Variants in PRKG1 observed in about 807,000 individuals in gnomAD.
PRKG1 encodes the protein protein kinase cGMP-dependent 1, also known as cGMP-dependent protein kinase 1.
PRKG1 carries 35 observed loss-of-function variants against 88.1 expected under a neutral mutation model. The ratio of observed to expected loss-of-function variants is 0.40; its 90% CI spans 0.30 to 0.53. The LOEUF is 0.53. PRKG1 is among the 20% of genes least tolerant of loss of function. PRKG1 has a pLI of 0.59. For missense variants in PRKG1, 540 were observed against 839.8 expected, an observed-to-expected ratio of 0.64 and a Z score of 4.41; for synonymous variants, 303 against 292.5, an observed-to-expected ratio of 1.04 and a Z score of -0.37.
chr10:51,189,661 T>A (rs1564632348), intron 2 of PRKG1, among the ~76,000 whole-genome samples: 1 of 151,936 alleles, frequency 6.6e-6, no homozygotes, highest in Non-Finnish European at 1.5e-5. Context: ...CATGGCCCCA[T>A]TTGAGGACAT....
chr10:51,034,652 A>C (rs1440549673), intron 1 of PRKG1, among the ~76,000 whole-genome samples: 1 of 70,362 alleles, frequency 1.4e-5, no homozygotes, highest in Admixed American at 1.8e-4. Context: ...AAGCAAAATT[A>C]TATATAATAT....
At chr10:52,291,208 AC>A (rs1287123993) in intron 17 of PRKG1, among the ~76,000 whole-genome samples, 2 of 151,310 alleles carry the variant, frequency 1.3e-5, no homozygotes, top group Non-Finnish European at 2.9e-5. Flanking sequence ...AGACGTGAGC[AC>A]CGCGCTGGGC....
At chr10:51,699,340 C>G (rs781532877) in intron 3 of PRKG1, 1 of 1,614,162 alleles carries the variant, frequency 6.2e-7, no homozygotes, top group South Asian at 1.1e-5. Flanking sequence ...TGGCACTAAG[C>G]GCGGTCTCCT....
chr10:51,912,266 A>T (rs150370261), intron 5 of PRKG1, among the ~76,000 whole-genome samples: 1 of 152,342 alleles, frequency 6.6e-6, no homozygotes, highest in Non-Finnish European at 1.5e-5. Context: ...AAAATTAAGC[A>T]GGACCAAGTT....
intron 8 of PRKG1, among the ~76,000 whole-genome samples, chr10:52,138,267 C>A (rs533437905): frequency 1.1e-4 from 16 of 151,986 alleles, no homozygotes; most frequent in Non-Finnish European, 1.9e-4. Flanking sequence ...TGGCAAAAAC[C>A]GGGACTATTG....
chr10:51,078,562 G>C (rs1844023698), intron 1 of PRKG1, among the ~76,000 whole-genome samples: 1 of 149,904 alleles, frequency 6.7e-6, no homozygotes, highest in African/African-American at 2.4e-5. Flanking sequence ...AAGTACTTTG[G>C]AGGAGTTGAG....
At position 51,815,340 on chromosome 10, in the gene PRKG1, C is replaced by A. The variant is rs148146762; in HGVS notation, c.698+10650C>A. Among the ~76,000 whole-genome samples the A allele has an allele frequency of 6.5e-3, 991 of 152,242 alleles. 13 individuals are homozygous for A. Among genetic ancestry groups the A allele is most frequent in the African/African-American group, 0.02 (833 of 41,544 alleles). On this transcript the variant is annotated intron_variant, in intron 4 of 17. Coordinates refer to ENST00000373980, the MANE Select transcript of PRKG1 (RefSeq NM_006258.4). The stretch of plus-strand genomic sequence containing the variant: ...GGATTAGTGCATCTGGGAGTGAGTT[C>A]TTTTCCATAAGGAAAACCATTCTGT...
chr10:51,857,862 T>A (rs752079821), intron 4 of PRKG1, among the ~76,000 whole-genome samples: 11 of 151,280 alleles, frequency 7.3e-5, no homozygotes, highest in Non-Finnish European at 1.6e-4. Context: ...GTAAGCACTG[T>A]TCCCCCACCC....
At chr10:52,077,266 A>G (rs1219940142) in intron 7 of PRKG1, among the ~76,000 whole-genome samples, 1 of 152,188 alleles carries the variant, frequency 6.6e-6, no homozygotes, top group Non-Finnish European at 1.5e-5. Flanking sequence ...ACAGATTAGT[A>G]TCAAAATAAT....
intron 3 of PRKG1, among the ~76,000 whole-genome samples, chr10:51,765,525 ATTCTGCCTGTCCTGTCCAGAG>A (rs1250900038): frequency 6.6e-6 from 1 of 152,214 alleles, no homozygotes; most frequent in East Asian, 1.9e-4. Context: ...TAACTTAATT[ATTCTGCCTGTCCTGTCCAGAG>A]TTGAATTCCT....
Position 52,288,706 on chromosome 10 carries a change from C to A in PRKG1, c.1710-20C>A. On this transcript the variant is annotated intron_variant, in intron 14 of 17. Transcript: ENST00000373980. The stretch of plus-strand genomic sequence containing the variant: ...AGAAAATAAAAGTAATATCTCTTGT[C>A]GTGTCTCTCATTCTTGCAGCCCACC... 6.4e-7 allele frequency: 1 copy of A among 1,564,532 alleles called. No individual in the cohort carries two copies. The highest frequency in any genetic ancestry group is 8.6e-7 in the Non-Finnish European group (1 of 1,163,132).
intron 7 of PRKG1, among the ~76,000 whole-genome samples, chr10:52,068,405 G>T (rs1846412989): frequency 6.6e-6 from 1 of 152,000 alleles, no homozygotes; most frequent in Non-Finnish European, 1.5e-5. Context: ...CCTAACTTTT[G>T]AGTCTTCAGC....
intron 5 of PRKG1, among the ~76,000 whole-genome samples, chr10:52,013,806 G>A (rs925634445): frequency 1.3e-5 from 2 of 152,188 alleles, no homozygotes; most frequent in African/African-American, 4.8e-5. Context: ...GCAGTATGAA[G>A]GATGCTATTT....
At chr10:52,216,900 G>A (rs1166777279) in intron 9 of PRKG1, among the ~76,000 whole-genome samples, 1 of 152,120 alleles carries the variant, frequency 6.6e-6, no homozygotes, top group Non-Finnish European at 1.5e-5. Context: ...TTACTAGGCA[G>A]ACAATTCTGT....
chr10:52,042,791 C>A (rs1264132215), intron 5 of PRKG1, among the ~76,000 whole-genome samples: 1 of 152,028 alleles, frequency 6.6e-6, no homozygotes, highest in Non-Finnish European at 1.5e-5. Context: ...AGACAGCCTG[C>A]AGAATGGGAG....
chr10:51,050,652 T>G (rs963334754), intron 1 of PRKG1, among the ~76,000 whole-genome samples: 1 of 152,200 alleles, frequency 6.6e-6, no homozygotes, highest in Non-Finnish European at 1.5e-5. Flanking sequence ...AGATCCTGAT[T>G]TCAGTTCCTC....
At chr10:52,023,388 G>T (rs566727913) in intron 5 of PRKG1, among the ~76,000 whole-genome samples, 1 of 152,208 alleles carries the variant, frequency 6.6e-6, no homozygotes, top group African/African-American at 2.4e-5. Context: ...ATGTGCATTT[G>T]TCTTTATAGT....
At chr10:51,737,515 G>T (rs1289061815) in intron 3 of PRKG1, among the ~76,000 whole-genome samples, 1 of 152,014 alleles carries the variant, frequency 6.6e-6, no homozygotes, top group Admixed American at 6.6e-5. Flanking sequence ...ATTACATAAA[G>T]GGGTAGGTTT....
chr10:52,256,211 T>A (rs1441127758), intron 10 of PRKG1, among the ~76,000 whole-genome samples: 3 of 139,666 alleles, frequency 2.1e-5, no homozygotes, highest in African/African-American at 7.4e-5. Flanking sequence ...TTTAAAAAAA[T>A]TCTTCTGGAA....
Sources: allele counts gnomAD v4.1 joint callset (sites outside exome capture counted in the v4.1 genomes callset), GRCh38; gene constraint gnomAD v4.1.1; transcripts MANE v1.5; gene names NCBI Gene and HGNC (gene_info 2026-07-23, HGNC 2026-07-21).